The following GABRA3 variants were observed in gnomAD, a reference collection of about 807,000 sequenced individuals.
The protein encoded by GABRA3 is gamma-aminobutyric acid receptor subunit alpha-3.
In GABRA3, 10 loss-of-function variants were observed where a neutral mutation model predicts 30.1. That is an observed-to-expected ratio of 0.33 (90% CI 0.20 to 0.56). The LOEUF is 0.56. GABRA3 is among the 20% of genes least tolerant of loss of function. GABRA3 has a pLI of 0.89. For synonymous variants in GABRA3, 151 were observed against 146.8 expected, an observed-to-expected ratio of 1.03 and a Z score of -0.21; for missense variants, 233 against 392.0, an observed-to-expected ratio of 0.59 and a Z score of 3.42.
intron 2 of GABRA3, among the ~76,000 whole-genome samples, chrX:152,350,098 CA>C (rs1296759556): frequency 2.0e-5 from 2 of 99,937 alleles, no homozygotes; most frequent in Non-Finnish European, 4.0e-5. Flanking sequence ...GAAATTATAA[CA>C]AACTATCTCT....
At chrX:152,439,674 C>T (rs976809082) in intron 1 of GABRA3, among the ~76,000 whole-genome samples, 1 of 111,264 alleles carries the variant, frequency 9.0e-6, no homozygotes, top group East Asian at 2.8e-4. Flanking sequence ...AACAGCATTG[C>T]GACATGGCTA....
At chrX:152,387,160 G>A (rs1216975266) in intron 1 of GABRA3, among the ~76,000 whole-genome samples, 1 of 98,291 alleles carries the variant, frequency 1.0e-5, no homozygotes, top group Non-Finnish European at 2.0e-5. Flanking sequence ...GGTAGGGGGA[G>A]GGGGGAGGGA....
At chrX:152,227,290 C>A (rs1204327522) in intron 5 of GABRA3, among the ~76,000 whole-genome samples, 2 of 99,736 alleles carry the variant, frequency 2.0e-5, no homozygotes, top group Admixed American at 2.3e-4. Flanking sequence ...GGACAAAAAA[C>A]CAAACACCGC....
intron 1 of GABRA3, among the ~76,000 whole-genome samples, chrX:152,421,963 GAAC>G (rs1318191381): frequency 1.6e-5 from 1 of 64,340 alleles, no homozygotes; most frequent in Non-Finnish European, 3.0e-5. Context: ...GTGTAAATCT[GAAC>G]AAAAACTTTG....
chrX:152,284,323 C>T (rs1327412628), intron 4 of GABRA3, among the ~76,000 whole-genome samples: 3 of 111,549 alleles, frequency 2.7e-5, no homozygotes, highest in Admixed American at 9.6e-5. Context: ...CAATTCTCTC[C>T]TCATATGACC....
chrX:152,396,892 G>A (rs1200126957), intron 1 of GABRA3, among the ~76,000 whole-genome samples: 1 of 111,941 alleles, frequency 8.9e-6, no homozygotes, highest in African/African-American at 3.2e-5. Flanking sequence ...CATAAACATG[G>A]TTCACGTTCA....
At chrX:152,365,326 A>G (rs1354820899) in intron 1 of GABRA3, among the ~76,000 whole-genome samples, 3 of 111,678 alleles carry the variant, frequency 2.7e-5, no homozygotes, top group Non-Finnish European at 5.6e-5. Context: ...TCCTTTAGAT[A>G]GGGGACACAA....
At chrX:152,317,558 T>C (rs772413990) in intron 3 of GABRA3, among the ~76,000 whole-genome samples, 1 of 111,844 alleles carries the variant, frequency 8.9e-6, no homozygotes, top group East Asian at 2.8e-4. Context: ...AGATAGACCA[T>C]ATGATAGGAC....
chrX:152,259,473 G>A (rs957133366), intron 4 of GABRA3, among the ~76,000 whole-genome samples: 16 of 111,265 alleles, frequency 1.4e-4, no homozygotes, highest in South Asian at 3.9e-4. Flanking sequence ...AAAAGAGATC[G>A]CTTCCTTCCA....
intron 3 of GABRA3, among the ~76,000 whole-genome samples, chrX:152,309,932 G>C (rs1939775421): frequency 1.8e-5 from 2 of 112,166 alleles, no homozygotes; most frequent in South Asian, 7.4e-4. Flanking sequence ...TAAAGGGATA[G>C]AGAAAAATCT....
At chrX:152,256,417 C>T (rs987567524) in intron 4 of GABRA3, among the ~76,000 whole-genome samples, 15 of 111,383 alleles carry the variant, frequency 1.3e-4, no homozygotes, top group Middle Eastern at 4.2e-3. Flanking sequence ...CAAAACCTTA[C>T]ATTTTATCGT....
chrX:152,275,999 G>C (rs1939077983), intron 4 of GABRA3, among the ~76,000 whole-genome samples: 1 of 109,693 alleles, frequency 9.1e-6, no homozygotes, highest in Non-Finnish European at 1.9e-5. Flanking sequence ...TCTAATATTA[G>C]GAAATCTATT....
At chrX:152,279,441 A>G (rs1258884213) in intron 4 of GABRA3, among the ~76,000 whole-genome samples, 1 of 110,911 alleles carries the variant, frequency 9.0e-6, no homozygotes, top group African/African-American at 3.3e-5. Flanking sequence ...CATTATTTCT[A>G]AGGGCTCTGT....
At chrX:152,250,544 G>C (rs1467374685) in intron 5 of GABRA3, 1 of 111,252 alleles carries the variant, frequency 9.0e-6, no homozygotes, top group African/African-American at 3.3e-5. Context: ...CATTAATAGA[G>C]ATGAAGTTTT....
At chrX:152,227,210 T>C (rs199691050) in intron 5 of GABRA3, among the ~76,000 whole-genome samples, 5,912 of 108,248 alleles carry the variant, frequency 0.055, 406 homozygotes, top group East Asian at 0.32. Flanking sequence ...CCATAAAAAA[T>C]GATGAGTTCA....
chrX:152,236,099 T>A (rs1448095883), intron 5 of GABRA3, among the ~76,000 whole-genome samples: 2 of 91,340 alleles, frequency 2.2e-5, no homozygotes, highest in African/African-American at 4.0e-5. Flanking sequence ...ACCCACTAAC[T>A]CGTCATCTAG....
chrX:152,246,231 A>G (rs1358913642), intron 5 of GABRA3, among the ~76,000 whole-genome samples: 1 of 111,595 alleles, frequency 9.0e-6, no homozygotes, highest in Non-Finnish European at 1.9e-5. Context: ...CAAGAGGGAC[A>G]CTTACTTTGA....
intron 4 of GABRA3, among the ~76,000 whole-genome samples, chrX:152,257,011 A>G (rs965422766): frequency 9.0e-6 from 1 of 111,325 alleles, no homozygotes; most frequent in Non-Finnish European, 1.9e-5. Flanking sequence ...CCAAATCTGA[A>G]TATATATTCT....
chrX:152,274,748 C>A (rs749676627), intron 4 of GABRA3, among the ~76,000 whole-genome samples: 2 of 108,622 alleles, frequency 1.8e-5, no homozygotes, highest in South Asian at 7.9e-4. Flanking sequence ...CCTCAGGAAA[C>A]CAAAAGGACC....
Sources: gnomAD v4.1 joint callset for allele counts (sites outside exome capture counted in the v4.1 genomes callset) on GRCh38, gnomAD v4.1.1 for gene constraint, MANE v1.5 for transcripts, NCBI Gene and HGNC (gene_info 2026-07-23, HGNC 2026-07-21) for gene names.